The following TTC8 variants were observed in gnomAD, a reference collection of about 807,000 sequenced individuals.
The protein encoded by TTC8 is tetratricopeptide repeat domain 8, also known as tetratricopeptide repeat protein 8.
In TTC8, 47 loss-of-function variants were observed where a neutral mutation model predicts 72.5. That is an observed-to-expected ratio of 0.65 (90% CI 0.51 to 0.83). The LOEUF is 0.83. TTC8 is among the 40% of genes least tolerant of loss of function. The pLI, the probability that TTC8 is intolerant of heterozygous loss-of-function variation, is 0.00. For synonymous variants in TTC8, 199 were observed against 221.4 expected (o/e 0.90, Z 0.90); for missense variants, 611 against 623.2 (o/e 0.98, Z 0.21).
intron 6 of TTC8, among the ~76,000 whole-genome samples, chr14:88,841,959 A>T (rs1252189860): frequency 6.6e-6 from 1 of 152,236 alleles, no homozygotes. Context: ...CTCAAAAAGG[A>T]TTACTGAAAC....
At position 88,872,567 on chromosome 14, in the gene TTC8, C is replaced by T. The variant is rs541106386; in HGVS notation, c.1347+115C>T. The T allele has an allele frequency of 6.2e-4, 898 of 1,455,230 alleles. 7 individuals carry two copies. The highest frequency in any genetic ancestry group is 3.4e-4 in the Non-Finnish European group (361 of 1,062,798). The allele number at this position is 1,455,230 out of a possible 1,614,324, so 90.1% of individuals were successfully genotyped here. A position where few individuals can be genotyped will look rare whatever the true frequency, so the allele number is the denominator to read the frequency against. ...AAAATGAGCTCTAGAATCTGACAGG[C>T]GTGGATTTGAATCCCAGCTCTGTTG... On this transcript the variant is annotated intron_variant, in intron 13 of 14. Coordinates refer to ENST00000380656, the MANE Select transcript of TTC8 (RefSeq NM_144596.4).
At chr14:88,879,273 A>G (rs1230281252), downstream of TTC8, 1 of 152,198 alleles carries the variant, frequency 6.6e-6, no homozygotes, top group Non-Finnish European at 1.5e-5. Flanking sequence ...AACATTTCCT[A>G]TGGACTGCGT....
chr14:88,852,822 A>G (rs1223331934), intron 7 of TTC8, 149 bp from the exon 8 acceptor site: 2 of 681,448 alleles, frequency 2.9e-6, no homozygotes, highest in South Asian at 1.6e-5. Context: ...TGGTGGGGCC[A>G]TCTGGAAACA....
chr14:88,849,501 A>G (rs933440739), intron 7 of TTC8, among the ~76,000 whole-genome samples: 11 of 152,308 alleles, frequency 7.2e-5, no homozygotes, highest in South Asian at 4.1e-4. Context: ...TAAATAAAGT[A>G]TTTAACACAA....
chr14:88,857,069 G>A, intron 8 of TTC8, 121 bp from the exon 9 acceptor site: 5 of 867,392 alleles, frequency 5.8e-6, no homozygotes. Context: ...TTATGTGTAT[G>A]TGCAACATTA....
At chr14:88,838,535 A>G (rs760282686) in intron 2 of TTC8, among the ~76,000 whole-genome samples, 15 of 152,124 alleles carry the variant, frequency 9.9e-5, no homozygotes, top group Non-Finnish European at 2.1e-4. Flanking sequence ...TAGGCTCTAG[A>G]GTCACTAATA....
intron 12 of TTC8, among the ~76,000 whole-genome samples, chr14:88,872,120 G>A (rs2141037825): frequency 1.3e-5 from 2 of 152,292 alleles, no homozygotes; most frequent in South Asian, 4.1e-4. Context: ...TTTGGCAGTA[G>A]TCTTACGGGG....
intron 7 of TTC8, among the ~76,000 whole-genome samples, chr14:88,845,430 G>A (rs12897989): frequency 0.11 from 17,124 of 152,176 alleles, 1,043 homozygotes; most frequent in African/African-American, 0.13. Context: ...TGCATGTGTT[G>A]GGAGATGTGA....
intron 1 of TTC8, among the ~76,000 whole-genome samples, chr14:88,826,359 A>C (rs1328176090): frequency 6.6e-6 from 1 of 152,058 alleles, no homozygotes; most frequent in Non-Finnish European, 1.5e-5. Context: ...TATGTTTGGG[A>C]CTTGTGACAA....
chr14:88,832,202 CAGAG>C (rs1370383045), intron 1 of TTC8, among the ~76,000 whole-genome samples: 11 of 152,322 alleles, frequency 7.2e-5, no homozygotes, highest in African/African-American at 2.6e-4. Flanking sequence ...AGGAACAAGA[CAGAG>C]AGATCGCGGA....
chr14:88,859,864 A>G (rs1296031607), intron 9 of TTC8, among the ~76,000 whole-genome samples: 1 of 143,432 alleles, frequency 7.0e-6, no homozygotes, highest in East Asian at 2.0e-4. Context: ...AATCATATAT[A>G]ATATAAATAT....
rs1217295095 is a variant in TTC8, at chr14:88,841,470, A to C, written c.535A>C (p.Arg179=). Residue 179 remains arginine, a synonymous_variant, in exon 6 of 15, where the codon AGG becomes CGG. Transcript: ENST00000380656. The stretch of plus-strand genomic sequence containing the variant: ...TGATGGACCATTTATAAATTTATCT[A>C]GGCTGAATTTAACAAAGTATTCCCA... ...SPDGPFINLS[R]LNLTKYSQKP... 1 of 1,613,776 alleles carries C rather than the reference A, an allele frequency of 6.2e-7. No individual in the cohort carries two copies. Among genetic ancestry groups the C allele is most frequent in the East Asian group, 2.2e-5 (1 of 44,786 alleles).
rs548302020 is a variant in TTC8, at chr14:88,842,990, A to T, written c.580-816A>T. 4.6e-5 allele frequency among the ~76,000 whole-genome samples: 7 copies of T among 151,888 alleles called. No individual in the cohort carries two copies. In the South Asian group the frequency reaches 6.3e-4, roughly 14 times the overall value. Reference sequence around the variant, plus strand: ...AGAAAGGCCTTGTCTTGATTTTTTTAAAAAATTGGTTGCCTCCAAGTCTTC... The same window carrying T: ...AGAAAGGCCTTGTCTTGATTTTTTTTAAAAATTGGTTGCCTCCAAGTCTTC... On this transcript the variant is annotated intron_variant, in intron 6 of 14. Transcript: ENST00000380656.
intron 10 of TTC8, 55 bp from the exon 11 acceptor site, chr14:88,870,003 AT>A: frequency 6.3e-7 from 1 of 1,586,860 alleles, no homozygotes; most frequent in Non-Finnish European, 8.6e-7. Context: ...TCAGAAAAAA[AT>A]AATTTTTTGT....
intron 1 of TTC8, among the ~76,000 whole-genome samples, chr14:88,831,757 AT>A (rs1399411487): frequency 6.6e-6 from 1 of 152,192 alleles, no homozygotes. Context: ...TCTGAAAAGC[AT>A]TTTTGAGGAA....
At position 88,863,905 on chromosome 14, in the gene TTC8, A is replaced by G. The variant is rs551074274; in HGVS notation, c.909+2573A>G. Among the ~76,000 whole-genome samples, 4 of 152,338 alleles carry G rather than the reference A, an allele frequency of 2.6e-5. No individual in the cohort carries two copies. In the South Asian group the frequency reaches 6.2e-4, roughly 24 times the overall value. On this transcript the variant is annotated intron_variant, in intron 10 of 14. Coordinates refer to ENST00000380656, the MANE Select transcript of TTC8 (RefSeq NM_144596.4). The stretch of plus-strand genomic sequence containing the variant: ...TTGGATATTCTAAGTAAATAAAACA[A>G]TCATCATTTGCAAATACAGATGGTT...
chr14:88,841,573 C>A, intron 6 of TTC8, 59 bp downstream of exon 6: 1 of 1,365,144 alleles, frequency 7.3e-7, no homozygotes, highest in Non-Finnish European at 1.0e-6. Context: ...ATGATAATGA[C>A]AAATTAGAAA....
At chr14:88,862,187 G>T (rs1438825823) in intron 10 of TTC8, among the ~76,000 whole-genome samples, 2 of 151,936 alleles carry the variant, frequency 1.3e-5, no homozygotes, top group African/African-American at 2.4e-5. Flanking sequence ...TCTAACTGGG[G>T]TGAGATGATA....
chr14:88,875,707 G>A (rs1036530989), intron 14 of TTC8, among the ~76,000 whole-genome samples: 4 of 152,122 alleles, frequency 2.6e-5, no homozygotes, highest in African/African-American at 9.7e-5. Context: ...AAATATTTGT[G>A]ATATAAATTA....
Sources: allele counts gnomAD v4.1 joint callset (sites outside exome capture counted in the v4.1 genomes callset), GRCh38; gene constraint gnomAD v4.1.1; transcripts MANE v1.5; gene names NCBI Gene and HGNC (gene_info 2026-07-23, HGNC 2026-07-21).